The following CPN1 variants were observed in gnomAD, a reference collection of about 807,000 sequenced individuals.
CPN1 encodes carboxypeptidase N subunit 1, also known as carboxypeptidase N catalytic chain.
In CPN1, 37 loss-of-function variants were observed where a neutral mutation model predicts 46.4. The observed-to-expected ratio is 0.80, with a 90% CI of 0.61 to 1.05. The LOEUF (loss-of-function observed/expected upper bound fraction) is 1.05. CPN1 is among the 50% of genes least tolerant of loss of function. The probability of loss-of-function intolerance (pLI) is 0.00; values close to 1 mark genes in which losing one functional copy is unlikely to be tolerated. For synonymous variants in CPN1, 224 were observed against 235.4 expected (o/e 0.95, Z 0.44); for missense variants, 563 against 602.6 (o/e 0.93, Z 0.69).
At chr10:100,057,228 C>T (rs373173017) in intron 5 of CPN1, 76 bp from the exon 6 acceptor site, 5 of 1,481,270 alleles carry the variant, frequency 3.4e-6, no homozygotes, top group Middle Eastern at 1.9e-4. Flanking sequence ...CTCTCTCTCT[C>T]TTTTTAAAAT....
At chr10:100,063,782 C>T (rs1371133770) in intron 4 of CPN1, 57 bp from the exon 5 acceptor site, 57 of 1,335,316 alleles carry the variant, frequency 4.3e-5, no homozygotes, top group Non-Finnish European at 5.4e-5. Context: ...AATGGCAATG[C>T]TCCTACTCAC....
chr10:100,063,653 C>T lies in CPN1; in HGVS notation c.832G>A (p.Gly278Ser). Residue 278 changes from glycine to serine, a missense_variant, in exon 5 of 9, where the codon GGC (glycine) becomes AGC (serine). Physicochemically the swap from Gly to Ser is moderately conservative, Grantham distance 56. Transcript: ENST00000370418. ...GWNCGDYFPD[G>S]ITNGASWYSL... ...TACCAGGAAGCCCCATTGGTGATGC[C>T]ATCTGGGAAGTAATCTCCGCAGTTC... 1.9e-6 allele frequency: 3 copies of T among 1,614,014 alleles called. No individual in the cohort carries two copies. Among genetic ancestry groups the T allele is most frequent in the Non-Finnish European group, 2.5e-6 (3 of 1,179,976 alleles).
Position 100,048,882 on chromosome 10 carries a change from A to G in CPN1, c.1112-6T>C, listed in dbSNP as rs1237644342. 1 of 1,598,940 alleles carries G rather than the reference A, an allele frequency of 6.3e-7. No homozygotes were observed. The highest frequency in any genetic ancestry group is 1.7e-5 in the Admixed American group (1 of 59,962). On this transcript the variant is annotated splice_polypyrimidine_tract_variant and splice_region_variant and intron_variant, in intron 7 of 8. Transcript: ENST00000370418. Reference sequence around the variant, plus strand: ...GAAGTAATCACCATGGTCACCTGAAAGTCACAAAGATATAACTCAGTCTAC... The same window carrying G: ...GAAGTAATCACCATGGTCACCTGAAGGTCACAAAGATATAACTCAGTCTAC...
intron 2 of CPN1, among the ~76,000 whole-genome samples, chr10:100,072,229 A>G (rs2041489903): frequency 6.6e-6 from 1 of 152,080 alleles, no homozygotes; most frequent in Non-Finnish European, 1.5e-5. Flanking sequence ...AGGCTGGAGT[A>G]TAACAGCATG....
chr10:100,063,686 G>T lies in CPN1; in HGVS notation c.799C>A (p.Gln267Lys). ...AAGTAATCTCCGCAGTTCCAACCTT[G>T]GAACATCCATCCATGTGCATAGGAG... ...VYSYAHGWMF[Q>K]GWNCGDYFPD... Residue 267 changes from glutamine (Q) to lysine (K), a missense_variant, in exon 5 of 9, where the codon CAA (glutamine) becomes AAA (lysine). Transcript: ENST00000370418. 3 of 1,614,036 alleles carry T rather than the reference G, an allele frequency of 1.9e-6. No homozygotes were observed. Among genetic ancestry groups the T allele is most frequent in the Non-Finnish European group, 2.5e-6 (3 of 1,180,006 alleles).
In CPN1 at chr10:100,081,547, G is replaced by T. The variant is rs2041546914; in HGVS notation, c.79C>A (p.Arg27Ser). 6.2e-7 allele frequency: 1 copy of T among 1,614,062 alleles called. No homozygotes were observed. The highest frequency in any genetic ancestry group is 1.3e-5 in the African/African-American group (1 of 74,928). The change falls in exon 1 of 9, where the codon CGC becomes AGC. Residue 27 changes from arginine (R) to serine (S), a missense_variant. By Grantham distance (110) the Arg-to-Ser change is moderately radical. Coordinates refer to ENST00000370418, the MANE Select transcript of CPN1 (RefSeq NM_001308.3). ...LVAPVTFRHH[R>S]YDDLVRTLYK... ...AGCGTCCGCACAAGATCATCATAGC[G>T]GTGGTGGCGAAAGGTCACCGGGGCA...
chr10:100,068,691 C>A (rs1226654335), intron 3 of CPN1, among the ~76,000 whole-genome samples: 1 of 152,146 alleles, frequency 6.6e-6, no homozygotes, highest in African/African-American at 2.4e-5. Flanking sequence ...TGTGCCACTA[C>A]ACCCAGCTAA....
rs191713574 is a variant in CPN1 at position 100,080,466 on chromosome 10, A to G, written c.223+937T>C. On this transcript the variant is annotated intron_variant, in intron 1 of 8. Transcript: ENST00000370418. ...GAGTCAGGGTTTAAATATGCATAGAAAAAAGTCTGGAAGGATATACATCAA... is the reference window on the plus strand; with the variant it reads ...GAGTCAGGGTTTAAATATGCATAGAGAAAAGTCTGGAAGGATATACATCAA... 2.8e-4 allele frequency among the ~76,000 whole-genome samples: 43 copies of G among 152,350 alleles called. No homozygotes were observed. The East Asian group carries it at 7.9e-3, about 28-fold the overall frequency.
intron 7 of CPN1, 86 bp downstream of exon 7, chr10:100,054,261 C>T: frequency 9.3e-7 from 1 of 1,074,378 alleles, no homozygotes; most frequent in Non-Finnish European, 1.4e-6. Context: ...GCTGGTTTCA[C>T]TAGCTTACAA....
At position 100,054,438 on chromosome 10, in the gene CPN1, C is replaced by A. The variant is rs1253705542; in HGVS notation, c.1020G>T (p.Gln340His). 1.2e-6 allele frequency: 2 copies of A among 1,612,678 alleles called. No homozygotes were observed. Among genetic ancestry groups the A allele is most frequent in the African/African-American group, 2.7e-5 (2 of 74,998 alleles). ...ALIQFLEQVH[Q>H]GIKGMVLDEN... ...CATCAAGCACCATTCCCTTGATGCC[C>A]TGGTGAACCTGCAGGAACAAGTATA... Residue 340 changes from glutamine to histidine, a missense_variant, in exon 7 of 9, where the codon CAG becomes CAT. Coordinates refer to ENST00000370418, the MANE Select transcript of CPN1 (RefSeq NM_001308.3).
chr10:100,051,764 G>T (rs1036143023), intron 7 of CPN1, among the ~76,000 whole-genome samples: 1 of 151,984 alleles, frequency 6.6e-6, no homozygotes, highest in African/African-American at 2.4e-5. Context: ...CCTGACCTTA[G>T]GTGATCCACC....
intron 2 of CPN1, among the ~76,000 whole-genome samples, chr10:100,071,139 G>A (rs1324626011): frequency 6.6e-6 from 1 of 152,126 alleles, no homozygotes; most frequent in Non-Finnish European, 1.5e-5. Context: ...TTGCTGAATA[G>A]TTCCATTATG....
chr10:100,061,970 C>T (rs556256010), intron 5 of CPN1, among the ~76,000 whole-genome samples: 7 of 152,088 alleles, frequency 4.6e-5, no homozygotes, highest in Non-Finnish European at 7.4e-5. Context: ...CCTCTCAAAG[C>T]GCTGAGATTA....
intron 6 of CPN1, among the ~76,000 whole-genome samples, chr10:100,054,701 G>A (rs2041374980): frequency 2.0e-5 from 3 of 152,074 alleles, no homozygotes; most frequent in Admixed American, 2.0e-4. Flanking sequence ...CTCACTTTGA[G>A]CAAAAGCTAA....
Position 100,068,154 on chromosome 10 carries a change from C to CA in CPN1, c.576+1559dup, listed in dbSNP as rs753569536. ...AGGGTAAAAGAGCAAGACTCTGTCT[C>CA]AAAAAAAAAAAAAAAGAAAGAAAGG... On this transcript the variant is annotated intron_variant, in intron 3 of 8. Coordinates refer to ENST00000370418, the MANE Select transcript of CPN1 (RefSeq NM_001308.3). Among the ~76,000 whole-genome samples the CA allele has an allele frequency of 8.0e-3, 439 of 54,706 alleles. 2 individuals are homozygous for CA. Among genetic ancestry groups the CA allele is most frequent in the East Asian group, 0.064 (99 of 1,542 alleles). The allele number at this position is 54,706 out of a possible 152,430, so 35.9% of individuals were successfully genotyped here.
chr10:100,044,901 G>A (rs577503604), intron 8 of CPN1, among the ~76,000 whole-genome samples: 138 of 150,766 alleles, frequency 9.2e-4, no homozygotes, highest in African/African-American at 3.0e-3. Flanking sequence ...AGTAGAGACA[G>A]GGCTTCGCCA....
At chr10:100,065,950 G>GT (rs199596870) in intron 3 of CPN1, among the ~76,000 whole-genome samples, 8,354 of 145,216 alleles carry the variant, frequency 0.058, 323 homozygotes, top group African/African-American at 0.12. Flanking sequence ...AGAGAGAGAA[G>GT]TTTTTTTTTT....
chr10:100,043,982 G>T (rs1394717491), intron 8 of CPN1, among the ~76,000 whole-genome samples: 4 of 152,134 alleles, frequency 2.6e-5, no homozygotes, highest in African/African-American at 9.7e-5. Flanking sequence ...AGGAAGGAGA[G>T]GGAGTGGCAC....
rs1438406865 is a variant in CPN1, at chr10:100,065,196, A to G, written c.751T>C (p.Phe251Leu). ...GCTGCTTCTCCACATACCTTCTGGA[A>G]GAGCTTGTCGTCAGGCGTGGGGGTG... ...ASTPTPDDKL[F>L]QKLAKVYSYA... Residue 251 changes from phenylalanine (F) to leucine (L), a missense_variant, in exon 4 of 9, where the codon TTC (phenylalanine) becomes CTC (leucine). By Grantham distance (22) the Phe-to-Leu change is conservative. Transcript: ENST00000370418. The G allele has an allele frequency of 1.2e-6, 2 of 1,612,966 alleles. No homozygotes were observed. The highest frequency in any genetic ancestry group is 1.3e-5 in the African/African-American group (1 of 74,906).
Sources: gnomAD v4.1 joint callset for allele counts (sites outside exome capture counted in the v4.1 genomes callset) on GRCh38, gnomAD v4.1.1 for gene constraint, MANE v1.5 for transcripts, NCBI Gene and HGNC (gene_info 2026-07-23, HGNC 2026-07-21) for gene names.